The following SLC39A14 variants were observed in gnomAD, a reference collection of about 807,000 sequenced individuals.
SLC39A14 encodes solute carrier family 39 member 14.
A neutral mutation model predicts 45.5 loss-of-function variants in SLC39A14; 19 were observed. The ratio of observed to expected loss-of-function variants is 0.42; its 90% CI spans 0.29 to 0.61. The LOEUF (loss-of-function observed/expected upper bound fraction) is 0.61, where lower values mean the gene tolerates loss of function less well. Ranked by LOEUF, SLC39A14 falls within the 20% of genes least tolerant of loss-of-function variation. The pLI, the probability that SLC39A14 is intolerant of heterozygous loss-of-function variation, is 0.22. For synonymous variants in SLC39A14, 264 were observed against 251.3 expected, an observed-to-expected ratio of 1.05 and a Z score of -0.48; for missense variants, 447 against 616.5, an observed-to-expected ratio of 0.73 and a Z score of 2.91.
chr8:22,427,409 G>A (rs1836404596), downstream of SLC39A14, among the ~76,000 whole-genome samples: 1 of 152,042 alleles, frequency 6.6e-6, no homozygotes, highest in East Asian at 1.9e-4. Context: ...AAAATTTGAT[G>A]TCAACCTTTG....
chr8:22,401,291 A>G (rs527477446), intron 1 of SLC39A14, among the ~76,000 whole-genome samples: 94 of 152,332 alleles, frequency 6.2e-4, no homozygotes, highest in African/African-American at 2.2e-3. Context: ...GCAAAGCCTC[A>G]GGGCATGTGA....
chr8:22,416,232 A>C lies in SLC39A14; in HGVS notation c.1099A>C (p.Ile367Leu). 1 of 1,613,552 alleles carries C rather than the reference A, an allele frequency of 6.2e-7. No individual in the cohort carries two copies. The highest frequency in any genetic ancestry group is 1.1e-5 in the South Asian group (1 of 91,044). ...CTTCACTGTGTCAGTTTTCCAAGGC[A>C]TCAGCACCTCGGTGGCCATCCTCTG... Reference protein sequence around the residue: ...ASFTVSVFQGISTSVAILCEE... With the variant: ...ASFTVSVFQGLSTSVAILCEE... The change falls in exon 7 of 9, where the codon ATC becomes CTC. Residue 367 changes from isoleucine (I) to leucine (L), a missense_variant. Ile to Leu is a conservative substitution (Grantham distance 5). Transcript: ENST00000381237.
At chr8:22,386,329 C>T (rs553521192) in intron 1 of SLC39A14, among the ~76,000 whole-genome samples, 7 of 151,052 alleles carry the variant, frequency 4.6e-5, no homozygotes, top group South Asian at 2.1e-4. Flanking sequence ...TGCAATGGCA[C>T]GATCTCGGCT....
intron 6 of SLC39A14, 36 bp downstream of exon 6, chr8:22,415,993 A>C (rs1171294506): frequency 6.2e-7 from 1 of 1,603,738 alleles, no homozygotes; most frequent in South Asian, 1.1e-5. Context: ...GGAGCCTCTA[A>C]GAGGTTGACT....
chr8:22,433,631 C>T (rs779236422), intron 8 of SLC39A14, among the ~76,000 whole-genome samples: 1 of 147,794 alleles, frequency 6.8e-6, no homozygotes, highest in Admixed American at 6.8e-5. Flanking sequence ...GCAGCCTTAA[C>T]CTCAGAGACC....
At chr8:22,409,596 G>C (rs540442989) in intron 3 of SLC39A14, among the ~76,000 whole-genome samples, 1 of 151,598 alleles carries the variant, frequency 6.6e-6, no homozygotes, top group Non-Finnish European at 1.5e-5. Context: ...TAGTCAGGCC[G>C]GTCTCGAACT....
intron 1 of SLC39A14, among the ~76,000 whole-genome samples, chr8:22,380,539 C>T (rs541306062): frequency 2.8e-4 from 42 of 152,254 alleles, no homozygotes; most frequent in Admixed American, 2.0e-3. Context: ...TAGGGACCCA[C>T]GCACAGATGC....
At chr8:22,375,745 A>T (rs1349229287) in intron 1 of SLC39A14, among the ~76,000 whole-genome samples, 1 of 152,074 alleles carries the variant, frequency 6.6e-6, no homozygotes, top group Non-Finnish European at 1.5e-5. Flanking sequence ...GCCTTGGCTT[A>T]CCAAAGTGCT....
chr8:22,408,550 A>G, intron 3 of SLC39A14, 54 bp downstream of exon 3: 10 of 1,525,090 alleles, frequency 6.6e-6, no homozygotes, highest in Non-Finnish European at 8.0e-6. Flanking sequence ...CGCGTCTCAC[A>G]AGGACCCCTG....
intron 1 of SLC39A14, among the ~76,000 whole-genome samples, chr8:22,399,460 T>C (rs1220771537): frequency 1.3e-5 from 2 of 152,222 alleles, no homozygotes; most frequent in African/African-American, 2.4e-5. Flanking sequence ...TCCCCAACCC[T>C]TGCGGGTGAG....
At position 22,429,845 on chromosome 8, in the gene SLC39A14, C is replaced by T. The variant is rs191875274; in HGVS notation, c.1333-4046C>T. On this transcript the variant is annotated intron_variant, in intron 8 of 8. Coordinates refer to the SLC39A14 transcript ENST00000240095. Reference sequence around the variant, plus strand: ...ACCAAGTGCTACAGATAAATTAACACGGGGGAGTGAGGTAGGGAATGGGCA... The same window carrying T: ...ACCAAGTGCTACAGATAAATTAACATGGGGGAGTGAGGTAGGGAATGGGCA... Among the ~76,000 whole-genome samples the T allele has an allele frequency of 1.8e-4, 27 of 152,242 alleles. No individual in the cohort carries two copies. In the South Asian group the frequency reaches 1.9e-3, roughly 11 times the overall value.
Position 22,422,511 on chromosome 8 carries a change from G to T in SLC39A14, c.*2813G>T, listed in dbSNP as rs1246389827. 1.2e-5 allele frequency: 12 copies of T among 985,640 alleles called. No homozygotes were observed. The highest frequency in any genetic ancestry group is 1.4e-5 in the Non-Finnish European group (12 of 829,884). The allele number at this position is 985,640 out of a possible 1,614,324, so 61.1% of individuals were successfully genotyped here. Reference sequence around the variant, plus strand: ...AAGTTGTCTGATTTTTGCAAGAGAGGTTAGGATTTTATTGTTCTTATTTCC... The same window carrying T: ...AAGTTGTCTGATTTTTGCAAGAGAGTTTAGGATTTTATTGTTCTTATTTCC... On this transcript the variant is annotated 3_prime_UTR_variant, in exon 9 of 9. Transcript: ENST00000381237.
chr8:22,401,471 C>T (rs988096100), intron 1 of SLC39A14, among the ~76,000 whole-genome samples: 2 of 151,324 alleles, frequency 1.3e-5, no homozygotes, highest in African/African-American at 4.9e-5. Context: ...AAAGAAAAAT[C>T]GTCATCAATC....
In SLC39A14 at chr8:22,420,378, C is replaced by T. The variant is rs1836155230; in HGVS notation, c.*680C>T. On this transcript the variant is annotated 3_prime_UTR_variant, in exon 9 of 9. Transcript: ENST00000381237. ...GCTGGATATTGATTTTGTAACAGCA[C>T]CTGGTGTTTCACGGCTGTCCGAGTG... The T allele has an allele frequency of 2.0e-6, 2 of 985,438 alleles. No individual in the cohort carries two copies. Among genetic ancestry groups the T allele is most frequent in the South Asian group, 4.7e-5 (1 of 21,280 alleles). 61.0% of individuals were successfully genotyped at this position (985,438 alleles called of 1,614,324 possible).
chr8:22,398,773 C>T (rs1368453505), intron 1 of SLC39A14: 2 of 984,966 alleles, frequency 2.0e-6, no homozygotes, highest in Non-Finnish European at 2.4e-6. Flanking sequence ...GGCAGAGCTA[C>T]TTCTGGACCA....
At chr8:22,414,040 A>G (rs1446778142) in intron 4 of SLC39A14, among the ~76,000 whole-genome samples, 1 of 152,096 alleles carries the variant, frequency 6.6e-6, no homozygotes, top group Non-Finnish European at 1.5e-5. Flanking sequence ...TCGGTCCTTT[A>G]AAGTGCATGA....
At position 22,402,567 on chromosome 8, in the gene SLC39A14, C is replaced by T. The variant is rs546632598; in HGVS notation, c.-15-2129C>T. Reference sequence around the variant, plus strand: ...GGAGGATCATCTGAGGTCAGCAGTTCGAGAACAGCCTGACCAACATGGTAA... The same window carrying T: ...GGAGGATCATCTGAGGTCAGCAGTTTGAGAACAGCCTGACCAACATGGTAA... On this transcript the variant is annotated intron_variant, in intron 1 of 8. Transcript: ENST00000381237. Among the ~76,000 whole-genome samples the T allele has an allele frequency of 1.1e-4, 17 of 152,084 alleles. 1 individual carries two copies. The highest frequency in any genetic ancestry group is 6.2e-4 in the South Asian group (3 of 4,822).
Position 22,387,186 on chromosome 8 carries a change from A to AG in SLC39A14, c.-15-17508dup, listed in dbSNP as rs55785977. Among the ~76,000 whole-genome samples the AG allele has an allele frequency of 1.5e-3, 228 of 150,900 alleles. 1 individual carries two copies. The highest frequency in any genetic ancestry group is 5.3e-3 in the African/African-American group (219 of 41,126). On this transcript the variant is annotated intron_variant, in intron 1 of 8. Transcript: ENST00000381237. ...AGACCCTGTCTTAAAAAAAAAAAAA[A>AG]GGCAGTAGTTATTAAAAACTTGGAG...
intron 1 of SLC39A14, among the ~76,000 whole-genome samples, chr8:22,371,442 T>A (rs373186575): frequency 0.62 from 87,640 of 141,314 alleles, 29,766 homozygotes; most frequent in East Asian, 0.82. Context: ...TTTTTTTTTT[T>A]TTTTTTTTTG....
Sources: allele counts gnomAD v4.1 joint callset (sites outside exome capture counted in the v4.1 genomes callset), GRCh38; gene constraint gnomAD v4.1.1; transcripts MANE v1.5; gene names NCBI Gene and HGNC (gene_info 2026-07-23, HGNC 2026-07-21).